Variants in ALOX15B observed in about 807,000 individuals in gnomAD.
The protein encoded by ALOX15B is polyunsaturated fatty acid lipoxygenase ALOX15B.
In ALOX15B, 74 loss-of-function variants were observed where a neutral mutation model predicts 73.8. The ratio of observed to expected loss-of-function variants is 1.00; its 90% CI spans 0.83 to 1.22. The LOEUF (loss-of-function observed/expected upper bound fraction) is 1.22. Among genes scored for constraint, ALOX15B ranks in the 50% most tolerant of loss-of-function variants. ALOX15B has a pLI of 0.00. For synonymous variants in ALOX15B, 353 were observed against 357.2 expected (o/e 0.99, Z 0.13); for missense variants, 896 against 859.9 (o/e 1.04, Z -0.52).
intron 8 of ALOX15B, 122 bp from the exon 9 acceptor site, chr17:8,046,546 G>A: frequency 3.1e-6 from 3 of 977,804 alleles, no homozygotes; most frequent in Non-Finnish European, 3.1e-6. Flanking sequence ...GTCCCAGGCT[G>A]CCTCCTCTCA....
chr17:8,047,162 T>C (rs1033452311), intron 10 of ALOX15B, 86 bp downstream of exon 10: 38 of 1,606,838 alleles, frequency 2.4e-5, no homozygotes, highest in South Asian at 3.3e-5. Context: ...GAGGCTCACG[T>C]TGAGGAGGAG....
At chr17:8,039,881 C>T (rs992109473) in intron 2 of ALOX15B, 21 bp from the exon 3 acceptor site, 31 of 1,604,172 alleles carry the variant, frequency 1.9e-5, no homozygotes, top group Non-Finnish European at 2.6e-5. Context: ...CCCACCCCAA[C>T]CTACTCCCCT....
At chr17:8,043,763 T>A (rs938577914) in intron 5 of ALOX15B, among the ~76,000 whole-genome samples, 2 of 152,004 alleles carry the variant, frequency 1.3e-5, no homozygotes, top group African/African-American at 4.8e-5. Flanking sequence ...TGAGGGGTAC[T>A]GCCAAGAGAG....
intron 3 of ALOX15B, 125 bp downstream of exon 3, chr17:8,040,108 T>A (rs1598160963): frequency 1.2e-6 from 1 of 856,266 alleles, no homozygotes; most frequent in Non-Finnish European, 1.8e-6. Flanking sequence ...GCTCCTGGGA[T>A]CAGCAGCGTC....
chr17:8,044,605 G>A (rs925873054), intron 5 of ALOX15B, among the ~76,000 whole-genome samples: 1 of 152,090 alleles, frequency 6.6e-6, no homozygotes, highest in African/African-American at 2.4e-5. Flanking sequence ...TATTCAGGGG[G>A]AGTGTCAGGC....
chr17:8,045,178 A>C, intron 6 of ALOX15B, 60 bp from the exon 7 acceptor site: 1 of 1,611,294 alleles, frequency 6.2e-7, no homozygotes, highest in Non-Finnish European at 8.5e-7. Context: ...TCCCTTCTAC[A>C]ACTGCACCCC....
At position 8,039,271 on chromosome 17, in the gene ALOX15B, A is replaced by T. The variant is rs773211140; in HGVS notation, c.116A>T (p.Asp39Val). 6.3e-7 allele frequency: 1 copy of T among 1,592,890 alleles called. No homozygotes were observed. Among genetic ancestry groups the T allele is most frequent in the Non-Finnish European group, 8.6e-7 (1 of 1,168,792 alleles). Residue 39 changes from aspartate to valine, a missense_variant, in exon 1 of 14, where the codon GAC becomes GTC. Asp to Val is a radical substitution (Grantham distance 152). Transcript: ENST00000380183. ...GGAGAGAGCCCCCCACTGCCCCTGGACAATCTCGGCAAGGAGTTCACTGCG... is the reference window on the plus strand; with the variant it reads ...GGAGAGAGCCCCCCACTGCCCCTGGTCAATCTCGGCAAGGAGTTCACTGCG... ...TRGESPPLPL[D>V]NLGKEFTAGA...
At chr17:8,042,559 C>G in intron 4 of ALOX15B, 68 bp downstream of exon 4, 1 of 1,580,408 alleles carries the variant, frequency 6.3e-7, no homozygotes, top group Non-Finnish European at 8.6e-7. Context: ...TCTGCCCTCC[C>G]CTAGTCAGTT....
At chr17:8,044,389 T>C (rs1257731477) in intron 5 of ALOX15B, among the ~76,000 whole-genome samples, 1 of 130,170 alleles carries the variant, frequency 7.7e-6, no homozygotes, top group African/African-American at 3.0e-5. Flanking sequence ...GCCACTGGAC[T>C]CCAGCCTGGG....
At chr17:8,040,224 C>G (rs1976399551) in intron 3 of ALOX15B, among the ~76,000 whole-genome samples, 1 of 152,088 alleles carries the variant, frequency 6.6e-6, no homozygotes, top group African/African-American at 2.4e-5. Context: ...CCAGATGACT[C>G]TGGTGGCCAC....
chr17:8,045,247 C>T lies in ALOX15B; in HGVS notation c.859C>T (p.Leu287=), dbSNP rs772722619. 4 of 1,614,176 alleles carry T rather than the reference C, an allele frequency of 2.5e-6. No individual in the cohort carries two copies. The highest frequency in any genetic ancestry group is 3.4e-6 in the Non-Finnish European group (4 of 1,180,028). The part of the protein sequence containing the change: ...SLQAELEKGS[L]FLVDHGILSG... ...CTCCTTTCTTCTGCAGAAGGGCTCC[C>T]TGTTCTTGGTGGATCACGGCATCCT... The change falls in exon 7 of 14, where the codon CTG becomes TTG. Residue 287 remains leucine (L), a synonymous_variant. Coordinates refer to ENST00000380183, the MANE Select transcript of ALOX15B (RefSeq NM_001141.3).
At chr17:8,040,652 A>AAAGAAAGAAAGAAAGAAAGAAAG (rs200945787) in intron 3 of ALOX15B, among the ~76,000 whole-genome samples, 7 of 96,982 alleles carry the variant, frequency 7.2e-5, no homozygotes, top group Admixed American at 2.9e-4. Context: ...AGAAAGAAAG[A>AAAGAAAGAAAGAAAGAAAGAAAG]AAAGAAAGAG....
intron 3 of ALOX15B, among the ~76,000 whole-genome samples, chr17:8,041,226 G>A (rs1976456251): frequency 6.6e-6 from 1 of 152,230 alleles, no homozygotes; most frequent in African/African-American, 2.4e-5. Context: ...TGAGATCTTA[G>A]ACCAATTTTT....
At chr17:8,047,218 T>C in intron 10 of ALOX15B, 40 bp from the exon 11 acceptor site, 7 of 1,612,978 alleles carry the variant, frequency 4.3e-6, no homozygotes, top group Non-Finnish European at 5.9e-6. Flanking sequence ...TCAGAGCGGG[T>C]CGGGGTTGGA....
At position 8,045,268 on chromosome 17, in the gene ALOX15B, A is replaced by G. The variant is rs769279804; in HGVS notation, c.880A>G (p.Ile294Val). Reference sequence around the variant, plus strand: ...CTCCCTGTTCTTGGTGGATCACGGCATCCTCTCTGGCATCCAGACCAATGT... The same window carrying G: ...CTCCCTGTTCTTGGTGGATCACGGCGTCCTCTCTGGCATCCAGACCAATGT... The part of the protein sequence containing the change: ...KGSLFLVDHG[I>V]LSGIQTNVIN... Residue 294 changes from isoleucine to valine, a missense_variant, in exon 7 of 14, where the codon ATC becomes GTC. Coordinates refer to ENST00000380183, the MANE Select transcript of ALOX15B (RefSeq NM_001141.3). 6.2e-7 allele frequency: 1 copy of G among 1,614,086 alleles called. No individual in the cohort carries two copies. The highest frequency in any genetic ancestry group is 8.5e-7 in the Non-Finnish European group (1 of 1,179,996).
At chr17:8,042,621 C>T in intron 4 of ALOX15B, 130 bp downstream of exon 4, 1 of 1,406,184 alleles carries the variant, frequency 7.1e-7, no homozygotes, top group South Asian at 1.3e-5. Context: ...AAACAGCCTC[C>T]TTCCCACTAC....
In ALOX15B at chr17:8,045,530, T is replaced by A; in HGVS notation, c.1044T>A (p.Asp348Glu). 1 of 1,614,146 alleles carries A rather than the reference T, an allele frequency of 6.2e-7. No homozygotes were observed. The change falls in exon 8 of 14, where the codon GAT becomes GAA. Residue 348 changes from aspartate to glutamate, a missense_variant. Physicochemically the swap from Asp to Glu is conservative, Grantham distance 45. Coordinates refer to ENST00000380183, the MANE Select transcript of ALOX15B (RefSeq NM_001141.3). ...ACAGCCCCATCTTCCTGCCCACTGA[T>A]GACAAGTGGGACTGGTTGCTGGCCA... Reference protein sequence around the residue: ...GPNSPIFLPTDDKWDWLLAKT... With the variant: ...GPNSPIFLPTEDKWDWLLAKT...
Position 8,045,467 on chromosome 17 carries a change from A to G in ALOX15B, c.997-16A>G, listed in dbSNP as rs925258063. 5.6e-6 allele frequency: 9 copies of G among 1,613,286 alleles called. No individual in the cohort carries two copies. In the Admixed American group the frequency reaches 1.0e-4, roughly 18 times the overall value. On this transcript the variant is annotated splice_polypyrimidine_tract_variant and intron_variant, in intron 7 of 13. Transcript: ENST00000380183. ...GACACTCATGGCTGCCTCTCTCCCCACCTGCCTCCCCCCAGCTCAGCCAGA... is the reference window on the plus strand; with the variant it reads ...GACACTCATGGCTGCCTCTCTCCCCGCCTGCCTCCCCCCAGCTCAGCCAGA...
At chr17:8,040,029 G>C in intron 3 of ALOX15B, 46 bp downstream of exon 3, 1 of 1,572,314 alleles carries the variant, frequency 6.4e-7, no homozygotes, top group South Asian at 1.1e-5. Flanking sequence ...CAAACGATGA[G>C]GGGCAGCTTG....
Sources: allele counts gnomAD v4.1 joint callset (sites outside exome capture counted in the v4.1 genomes callset), GRCh38; gene constraint gnomAD v4.1.1; transcripts MANE v1.5; gene names NCBI Gene and HGNC (gene_info 2026-07-23, HGNC 2026-07-21).